The following RGS7 variants were observed in gnomAD, a reference collection of about 807,000 sequenced individuals.
RGS7 encodes regulator of G protein signaling 7.
A neutral mutation model predicts 81.1 loss-of-function variants in RGS7; 27 were observed. The ratio of observed to expected loss-of-function variants is 0.33; its 90% CI spans 0.25 to 0.46. The LOEUF is 0.46. RGS7 is among the 20% of genes least tolerant of loss of function. The pLI, the probability that RGS7 is intolerant of heterozygous loss-of-function variation, is 1.00. For missense variants in RGS7, 396 were observed against 607.4 expected (o/e 0.65, Z 3.66); for synonymous variants, 208 against 207.7 (o/e 1.00, Z -0.01).
In RGS7 at chr1:240,870,081, G is replaced by A. The variant is rs1184915764; in HGVS notation, c.424C>T (p.Arg142Ter). The change falls in exon 7 of 19, where the codon CGA (arginine) becomes TGA (stop). Residue 142 changes from arginine (R) to a stop codon, truncating the protein, a stop_gained. Transcript: ENST00000440928. LOFTEE classifies it high-confidence loss of function. ...LCKRTMQNKA[R>*]LELADYEAES... ...GCCTCATAGTCTGCGAGCTCCAGTC[G>A]TGCCTTGTTTTGCATTGTTCTCTTG... is the stretch of plus-strand genomic sequence containing the variant. The A allele has an allele frequency of 1.2e-6, 2 of 1,613,850 alleles. No homozygotes were observed. The highest frequency in any genetic ancestry group is 1.7e-6 in the Non-Finnish European group (2 of 1,179,970).
At chr1:240,928,769 C>G (rs1441077216) in intron 6 of RGS7, among the ~76,000 whole-genome samples, 1 of 152,002 alleles carries the variant, frequency 6.6e-6, no homozygotes, top group Non-Finnish European at 1.5e-5. Context: ...CCTACCACAC[C>G]CTGGCTAATT....
intron 6 of RGS7, among the ~76,000 whole-genome samples, chr1:240,891,284 TTAAC>T (rs1340674752): frequency 6.6e-6 from 1 of 152,210 alleles, no homozygotes; most frequent in Non-Finnish European, 1.5e-5. Context: ...AAATGTAAGA[TTAAC>T]TATATCTGCA....
chr1:240,938,631 C>T (rs950920424), intron 4 of RGS7, among the ~76,000 whole-genome samples: 5 of 152,102 alleles, frequency 3.3e-5, no homozygotes, highest in African/African-American at 1.2e-4. Context: ...TAACTTCTAC[C>T]TCTGATCTCT....
intron 4 of RGS7, among the ~76,000 whole-genome samples, chr1:240,981,036 A>C (rs1684836481): frequency 6.6e-6 from 1 of 152,116 alleles, no homozygotes; most frequent in African/African-American, 2.4e-5. Context: ...GTTTCTTACT[A>C]GCTTATGATA....
chr1:240,871,618 G>A (rs1664505029), intron 6 of RGS7, among the ~76,000 whole-genome samples: 1 of 152,178 alleles, frequency 6.6e-6, no homozygotes, highest in South Asian at 2.1e-4. Context: ...AAACAAAAGT[G>A]ACATGATGTG....
In RGS7 at chr1:241,003,090, T is replaced by A. The variant is rs182965795; in HGVS notation, c.176-19961A>T. On this transcript the variant is annotated intron_variant, in intron 3 of 18. Transcript: ENST00000440928. The stretch of plus-strand genomic sequence containing the variant: ...TTTACACTATTGGTATACTCGCAAA[T>A]AAATGTGCACAAAGATATATACTCA... 7.6e-4 allele frequency among the ~76,000 whole-genome samples: 116 copies of A among 152,242 alleles called. 1 individual carries two copies. Among genetic ancestry groups the A allele is most frequent in the African/African-American group, 2.7e-3 (114 of 41,532 alleles).
chr1:240,959,341 C>T (rs1373657065), intron 4 of RGS7, among the ~76,000 whole-genome samples: 2 of 152,122 alleles, frequency 1.3e-5, no homozygotes, highest in East Asian at 1.9e-4. Context: ...CTTACACAAA[C>T]CTAGATGGCA....
intron 9 of RGS7, among the ~76,000 whole-genome samples, chr1:240,857,690 T>C (rs1241285988): frequency 2.0e-5 from 3 of 152,164 alleles, no homozygotes; most frequent in Non-Finnish European, 4.4e-5. Flanking sequence ...TCCTTCCATG[T>C]CTTTTTGTGG....
chr1:240,842,659 G>A (rs1477432652), intron 9 of RGS7, among the ~76,000 whole-genome samples: 2 of 152,008 alleles, frequency 1.3e-5, no homozygotes, highest in African/African-American at 4.8e-5. Flanking sequence ...GGTAAGTGTG[G>A]AGGCAAGAGT....
intron 4 of RGS7, among the ~76,000 whole-genome samples, chr1:240,949,200 C>G (rs1274067596): frequency 6.6e-6 from 1 of 152,088 alleles, no homozygotes; most frequent in East Asian, 1.9e-4. Context: ...TATTTTCTCA[C>G]CTTTCAATTT....
At chr1:240,855,935 G>T (rs561284978) in intron 9 of RGS7, among the ~76,000 whole-genome samples, 2 of 152,052 alleles carry the variant, frequency 1.3e-5, no homozygotes, top group South Asian at 4.2e-4. Flanking sequence ...CTTAATTTAT[G>T]ACTAGAAAGG....
At chr1:240,864,901 C>T (rs545780698) in intron 9 of RGS7, among the ~76,000 whole-genome samples, 91 of 152,168 alleles carry the variant, frequency 6.0e-4, no homozygotes, top group African/African-American at 1.8e-3. Flanking sequence ...TCATAGATGT[C>T]ATTAAAACCA....
chr1:240,917,016 G>C (rs1232983498), intron 6 of RGS7, among the ~76,000 whole-genome samples: 1 of 152,148 alleles, frequency 6.6e-6, no homozygotes, highest in Non-Finnish European at 1.5e-5. Context: ...TGGATGGGAT[G>C]AGGGAAACCT....
intron 9 of RGS7, among the ~76,000 whole-genome samples, chr1:240,845,101 A>G (rs1658827234): frequency 6.6e-6 from 1 of 152,262 alleles, no homozygotes; most frequent in Non-Finnish European, 1.5e-5. Flanking sequence ...TGGATTGCAC[A>G]TCAGTTACAA....
chr1:241,309,669 G>A (rs118116836), intron 2 of RGS7, among the ~76,000 whole-genome samples: 1 of 152,282 alleles, frequency 6.6e-6, no homozygotes, highest in East Asian at 1.9e-4. Context: ...AAAGGTCTGA[G>A]GAACATTGTG....
intron 2 of RGS7, among the ~76,000 whole-genome samples, chr1:241,316,297 T>G (rs1287004421): frequency 6.6e-6 from 1 of 152,194 alleles, no homozygotes; most frequent in Admixed American, 6.5e-5. Context: ...CATGATTGAC[T>G]AAATCACCGG....
At chr1:240,867,538 T>A (rs1458905606) in intron 9 of RGS7, among the ~76,000 whole-genome samples, 1 of 152,172 alleles carries the variant, frequency 6.6e-6, no homozygotes, top group East Asian at 1.9e-4. Flanking sequence ...GGATATTCAT[T>A]AATATTACTC....
In RGS7 at chr1:240,908,254, G is replaced by A. The variant is rs759936276; in HGVS notation, c.385+22463C>T. Among the ~76,000 whole-genome samples, 46 of 151,540 alleles carry A rather than the reference G, an allele frequency of 3.0e-4. 1 individual carries two copies. Among genetic ancestry groups the A allele is most frequent in the Non-Finnish European group, 6.0e-4 (41 of 67,920 alleles). On this transcript the variant is annotated intron_variant, in intron 6 of 18. Coordinates refer to ENST00000440928, the MANE Select transcript of RGS7 (RefSeq NM_001364886.1). ...AGGAGAGATACCTAATGTAAACGACGAGTTAATGGGTGCAGTGAACCAACA... is the reference window on the plus strand; with the variant it reads ...AGGAGAGATACCTAATGTAAACGACAAGTTAATGGGTGCAGTGAACCAACA...
At chr1:241,186,948 C>T (rs2072177890) in intron 2 of RGS7, among the ~76,000 whole-genome samples, 1 of 152,106 alleles carries the variant, frequency 6.6e-6, no homozygotes, top group Non-Finnish European at 1.5e-5. Context: ...GTTCATTTGC[C>T]AAGTAACATG....
Sources: gnomAD v4.1 joint callset for allele counts (sites outside exome capture counted in the v4.1 genomes callset) on GRCh38, gnomAD v4.1.1 for gene constraint, MANE v1.5 for transcripts, NCBI Gene and HGNC (gene_info 2026-07-23, HGNC 2026-07-21) for gene names.